The following MAGI2 variants were observed in gnomAD, a reference collection of about 807,000 sequenced individuals.
The protein encoded by MAGI2 is membrane-associated guanylate kinase, WW and PDZ domain-containing protein 2.
A neutral mutation model predicts 133.3 loss-of-function variants in MAGI2; 35 were observed. The ratio of observed to expected loss-of-function variants is 0.26; its 90% CI spans 0.20 to 0.35. MAGI2 has a LOEUF of 0.35. Among genes scored for constraint, MAGI2 ranks in the 10% least tolerant of loss-of-function variants. The pLI is 1.00. For missense variants in MAGI2, 1,636 were observed against 1,863.4 expected (o/e 0.88, Z 2.25); for synonymous variants, 729 against 710.6 (o/e 1.03, Z -0.41).
At chr7:78,811,344 A>G (rs1026140446) in intron 2 of MAGI2, among the ~76,000 whole-genome samples, 1 of 152,038 alleles carries the variant, frequency 6.6e-6, no homozygotes, top group African/African-American at 2.4e-5. Context: ...TGATAGAGCT[A>G]GAAAGTGACA....
At chr7:78,751,138 T>C (rs1823417803) in intron 2 of MAGI2, among the ~76,000 whole-genome samples, 1 of 152,178 alleles carries the variant, frequency 6.6e-6, no homozygotes, top group Non-Finnish European at 1.5e-5. Context: ...TGATATATAA[T>C]GGCTAAGTAC....
At chr7:78,191,626 A>G (rs1011311757) in intron 12 of MAGI2, among the ~76,000 whole-genome samples, 8 of 152,232 alleles carry the variant, frequency 5.3e-5, no homozygotes, top group Admixed American at 1.3e-4. Flanking sequence ...ACTGAGCCTA[A>G]TGCTCTGAAA....
intron 3 of MAGI2, among the ~76,000 whole-genome samples, chr7:78,573,278 A>ATATC (rs1554481603): frequency 1.7e-5 from 1 of 57,586 alleles, no homozygotes; most frequent in African/African-American, 9.5e-5. Context: ...ATATAAATAT[A>ATATC]TATATTTATA....
intron 2 of MAGI2, among the ~76,000 whole-genome samples, chr7:78,964,147 T>TC (rs1456264645): frequency 1.3e-5 from 2 of 152,104 alleles, no homozygotes; most frequent in African/African-American, 2.4e-5. Flanking sequence ...TCTTTTTTTT[T>TC]CTTTTAATTT....
intron 9 of MAGI2, among the ~76,000 whole-genome samples, chr7:78,261,256 A>G (rs1037432146): frequency 2.0e-4 from 30 of 152,098 alleles, no homozygotes; most frequent in African/African-American, 7.2e-4. Flanking sequence ...TATCTTTACT[A>G]CTCACAACTT....
intron 2 of MAGI2, among the ~76,000 whole-genome samples, chr7:78,931,555 C>T (rs540764349): frequency 6.6e-6 from 1 of 152,090 alleles, no homozygotes; most frequent in South Asian, 2.1e-4. Flanking sequence ...ACATGATGAA[C>T]ATGTAGAGTA....
In MAGI2 at chr7:78,019,252, T is replaced by A; in HGVS notation, c.*63A>T. On this transcript the variant is annotated 3_prime_UTR_variant, in exon 22 of 22. Coordinates refer to ENST00000354212, the MANE Select transcript of MAGI2 (RefSeq NM_012301.4). ...ACAGTGAAAATAAATTAAAACGCCG[T>A]GAGACGGAACCTAAGAAGAACTGCC... 3 of 1,553,166 alleles carry A rather than the reference T, an allele frequency of 1.9e-6. No homozygotes were observed. The highest frequency in any genetic ancestry group is 2.6e-6 in the Non-Finnish European group (3 of 1,151,838).
At chr7:78,107,040 A>G (rs2150449513) in intron 20 of MAGI2, among the ~76,000 whole-genome samples, 1 of 152,292 alleles carries the variant, frequency 6.6e-6, no homozygotes, top group South Asian at 2.1e-4. Context: ...GTATATGGCA[A>G]AAGATAAGGG....
At chr7:78,527,709 C>CT (rs1321959789) in intron 3 of MAGI2, among the ~76,000 whole-genome samples, 2 of 152,152 alleles carry the variant, frequency 1.3e-5, no homozygotes, top group East Asian at 1.9e-4. Context: ...CTTCCAACAC[C>CT]TTTTTTCTTT....
chr7:78,844,339 C>T lies in MAGI2; in HGVS notation c.418+162751G>A, dbSNP rs971653287. ...AGAAAAATAAAAACATATGTCCACACTATTGCTTGTATGTGAATGTTCATA... is the reference window on the plus strand; with the variant it reads ...AGAAAAATAAAAACATATGTCCACATTATTGCTTGTATGTGAATGTTCATA... On this transcript the variant is annotated intron_variant, in intron 2 of 21. Coordinates refer to ENST00000354212, the MANE Select transcript of MAGI2 (RefSeq NM_012301.4). Among the ~76,000 whole-genome samples, 9 of 151,796 alleles carry T rather than the reference C, an allele frequency of 5.9e-5. No homozygotes were observed. In the South Asian group the frequency reaches 1.0e-3, roughly 17 times the overall value.
intron 1 of MAGI2, chr7:79,353,515 A>G: frequency 2.2e-6 from 1 of 455,190 alleles, no homozygotes; most frequent in Non-Finnish European, 4.4e-6. Flanking sequence ...CTGCTTTGGA[A>G]TCATCTCCTG....
At chr7:78,726,029 G>T (rs1005253478) in intron 2 of MAGI2, among the ~76,000 whole-genome samples, 4 of 151,998 alleles carry the variant, frequency 2.6e-5, no homozygotes, top group Non-Finnish European at 4.4e-5. Flanking sequence ...TAATATAGCT[G>T]CTCCAAAAAT....
chr7:79,325,873 C>G (rs558026034), intron 1 of MAGI2, among the ~76,000 whole-genome samples: 1 of 152,222 alleles, frequency 6.6e-6, no homozygotes, highest in South Asian at 2.1e-4. Context: ...TGATACTACA[C>G]CTGATACCAC....
chr7:78,684,315 G>A (rs1245930630), intron 2 of MAGI2, among the ~76,000 whole-genome samples: 3 of 151,984 alleles, frequency 2.0e-5, no homozygotes, highest in African/African-American at 7.3e-5. Flanking sequence ...TGACTTTCAG[G>A]TTTGCTGTGT....
chr7:79,391,539 A>C (rs1844644050), intron 1 of MAGI2, among the ~76,000 whole-genome samples: 1 of 46,010 alleles, frequency 2.2e-5, no homozygotes, highest in South Asian at 8.5e-4. Context: ...ATATATATAG[A>C]CATATATATA....
chr7:79,206,419 C>T (rs965676248), intron 1 of MAGI2, among the ~76,000 whole-genome samples: 4 of 151,178 alleles, frequency 2.6e-5, no homozygotes, highest in African/African-American at 4.9e-5. Context: ...AACACAAAGG[C>T]TTATGAGATA....
At chr7:79,103,675 TTTTA>T (rs879265866) in intron 1 of MAGI2, among the ~76,000 whole-genome samples, 6 of 151,774 alleles carry the variant, frequency 4.0e-5, no homozygotes, top group Non-Finnish European at 5.9e-5. Flanking sequence ...GCTGGCAGCA[TTTTA>T]TTTATTTATT....
intron 15 of MAGI2, among the ~76,000 whole-genome samples, chr7:78,167,681 T>C (rs1825744081): frequency 6.6e-6 from 1 of 152,238 alleles, no homozygotes; most frequent in African/African-American, 2.4e-5. Flanking sequence ...CAGGCTATTC[T>C]AGAAATTTTT....
intron 1 of MAGI2, among the ~76,000 whole-genome samples, chr7:79,401,444 C>T (rs1845462774): frequency 6.6e-6 from 1 of 152,126 alleles, no homozygotes; most frequent in South Asian, 2.1e-4. Flanking sequence ...AGAATGTGGG[C>T]TTGTTTCCAG....
Sources: gnomAD v4.1 joint callset for allele counts (sites outside exome capture counted in the v4.1 genomes callset) on GRCh38, gnomAD v4.1.1 for gene constraint, MANE v1.5 for transcripts, NCBI Gene and HGNC (gene_info 2026-07-23, HGNC 2026-07-21) for gene names.